The following ERBB4 variants were observed in gnomAD, a reference collection of about 807,000 sequenced individuals.
ERBB4 encodes the protein erb-b2 receptor tyrosine kinase 4, also known as receptor tyrosine-protein kinase erbB-4.
ERBB4 carries 42 observed loss-of-function variants against 158.0 expected under a neutral mutation model. The ratio of observed to expected loss-of-function variants is 0.27; its 90% confidence interval spans 0.21 to 0.34. The LOEUF is 0.34. ERBB4 is among the 10% of genes least tolerant of loss of function. ERBB4 has a pLI of 1.00. For synonymous variants in ERBB4, 583 were observed against 558.7 expected (o/e 1.04, Z -0.61); for missense variants, 1,333 against 1,624.1 (o/e 0.82, Z 3.08).
At chr2:212,162,768 A>C (rs1347465838) in intron 1 of ERBB4, among the ~76,000 whole-genome samples, 1 of 151,974 alleles carries the variant, frequency 6.6e-6, no homozygotes, top group Non-Finnish European at 1.5e-5. Flanking sequence ...AATGATGGAT[A>C]TATTGTTTCA....
At chr2:212,368,880 A>AC (rs760327710) in intron 1 of ERBB4, among the ~76,000 whole-genome samples, 2 of 152,120 alleles carry the variant, frequency 1.3e-5, no homozygotes, top group Non-Finnish European at 2.9e-5. Flanking sequence ...ATAGCACCGT[A>AC]GGTCCCTACT....
At chr2:212,200,806 A>G (rs1007912146) in intron 1 of ERBB4, among the ~76,000 whole-genome samples, 1 of 152,212 alleles carries the variant, frequency 6.6e-6, no homozygotes, top group Non-Finnish European at 1.5e-5. Context: ...TTCACTTAAG[A>G]CAATTGGGGA....
intron 1 of ERBB4, among the ~76,000 whole-genome samples, chr2:212,302,964 A>G (rs991283354): frequency 6.6e-6 from 1 of 151,466 alleles, no homozygotes; most frequent in Non-Finnish European, 1.5e-5. Context: ...GAGGGGGAGG[A>G]GAAAGAAGAA....
At chr2:212,360,916 TC>T (rs2089664024) in intron 1 of ERBB4, among the ~76,000 whole-genome samples, 2 of 151,730 alleles carry the variant, frequency 1.3e-5, no homozygotes, top group African/African-American at 4.8e-5. Flanking sequence ...AGATTTTGCT[TC>T]TGTCAGATAT....
intron 1 of ERBB4, among the ~76,000 whole-genome samples, chr2:212,220,428 C>T (rs550945958): frequency 4.3e-4 from 65 of 151,466 alleles, no homozygotes; most frequent in African/African-American, 1.5e-3. Context: ...ATTGCTTTGA[C>T]CTAGTTATAA....
At chr2:211,384,541 C>G (rs1159205073) in intron 27 of ERBB4, among the ~76,000 whole-genome samples, 1 of 152,000 alleles carries the variant, frequency 6.6e-6, no homozygotes, top group Non-Finnish European at 1.5e-5. Flanking sequence ...TTTTTAGTCT[C>G]TATGGTTTGC....
At chr2:211,589,654 C>T (rs955756361) in intron 19 of ERBB4, among the ~76,000 whole-genome samples, 3 of 151,952 alleles carry the variant, frequency 2.0e-5, no homozygotes, top group Non-Finnish European at 2.9e-5. Flanking sequence ...ACTGAGAATA[C>T]GTATCAAAAC....
chr2:211,636,748 T>A (rs893900955), intron 16 of ERBB4, among the ~76,000 whole-genome samples: 3 of 151,870 alleles, frequency 2.0e-5, no homozygotes, highest in African/African-American at 7.2e-5. Flanking sequence ...GGGGTATGTG[T>A]GTATGTGTAT....
At chr2:211,513,633 C>T (rs931228439) in intron 20 of ERBB4, among the ~76,000 whole-genome samples, 6 of 152,020 alleles carry the variant, frequency 3.9e-5, no homozygotes, top group Admixed American at 2.6e-4. Flanking sequence ...TACTATTCAT[C>T]ACAACATTCC....
At chr2:211,767,257 T>A (rs79002186) in intron 4 of ERBB4, among the ~76,000 whole-genome samples, 3 of 152,128 alleles carry the variant, frequency 2.0e-5, no homozygotes, top group Admixed American at 6.5e-5. Context: ...ATAATTACTC[T>A]CACCCATTAC....
At chr2:212,334,677 T>C (rs1368888131) in intron 1 of ERBB4, among the ~76,000 whole-genome samples, 2 of 152,034 alleles carry the variant, frequency 1.3e-5, no homozygotes, top group Non-Finnish European at 2.9e-5. Flanking sequence ...GTGTACTGCA[T>C]ATGGCAGACA....
chr2:211,557,202 T>C (rs778579593), intron 20 of ERBB4, among the ~76,000 whole-genome samples: 2 of 152,076 alleles, frequency 1.3e-5, no homozygotes, highest in Non-Finnish European at 2.9e-5. Context: ...GACATAGGCA[T>C]GGACAAAGAT....
intron 2 of ERBB4, among the ~76,000 whole-genome samples, chr2:212,015,042 ATATATATATATATATAT>A (rs2076483371): frequency 3.4e-4 from 4 of 11,630 alleles, no homozygotes; most frequent in Non-Finnish European, 5.4e-4. Context: ...AAAAAAAAAA[ATATATATATATATATAT>A]ATATATATAT....
At chr2:212,468,669 T>C (rs1198671129) in intron 1 of ERBB4, among the ~76,000 whole-genome samples, 1 of 152,222 alleles carries the variant, frequency 6.6e-6, no homozygotes, top group Non-Finnish European at 1.5e-5. Context: ...TTCTCAAGGC[T>C]GACTTCAGGA....
chr2:211,438,162 C>A (rs1029867770), intron 20 of ERBB4, among the ~76,000 whole-genome samples: 5 of 152,160 alleles, frequency 3.3e-5, no homozygotes, highest in Non-Finnish European at 5.9e-5. Context: ...CATTTCACCT[C>A]TGCTATAAAA....
intron 11 of ERBB4, among the ~76,000 whole-genome samples, chr2:211,703,123 G>A (rs1054161924): frequency 1.3e-5 from 2 of 152,004 alleles, no homozygotes; most frequent in African/African-American, 2.4e-5. Context: ...GTCAGGGTGT[G>A]TGTGTGTGTT....
At chr2:211,733,707 T>C (rs1477320393) in intron 5 of ERBB4, among the ~76,000 whole-genome samples, 2 of 151,520 alleles carry the variant, frequency 1.3e-5, no homozygotes, top group African/African-American at 4.9e-5. Flanking sequence ...TTCTTTCTTT[T>C]GCTTATTCTA....
At chr2:211,544,813 T>C (rs2066900709) in intron 20 of ERBB4, among the ~76,000 whole-genome samples, 1 of 152,086 alleles carries the variant, frequency 6.6e-6, no homozygotes, top group Non-Finnish European at 1.5e-5. Context: ...ACTACAAGAT[T>C]GAACTTGTTT....
chr2:211,593,072 G>T (rs919993792), intron 19 of ERBB4, among the ~76,000 whole-genome samples: 1 of 151,686 alleles, frequency 6.6e-6, no homozygotes, highest in East Asian at 1.9e-4. Context: ...CTTGGCTCTC[G>T]TAGTGAGAAG....
Sources: allele counts gnomAD v4.1 joint callset (sites outside exome capture counted in the v4.1 genomes callset), GRCh38; gene constraint gnomAD v4.1.1; transcripts MANE v1.5; gene names NCBI Gene and HGNC (gene_info 2026-07-23, HGNC 2026-07-21).